CLCN5: variants seen among roughly 807,000 people sequenced by gnomAD.
CLCN5 encodes Cl-/H+ antiporter 5.
In CLCN5, 17 loss-of-function variants were observed where a neutral mutation model predicts 54.0. The ratio of observed to expected loss-of-function variants is 0.31; its 90% CI spans 0.22 to 0.47. The LOEUF (loss-of-function observed/expected upper bound fraction) is 0.47. CLCN5 is among the 20% of genes least tolerant of loss of function. CLCN5 has a pLI of 1.00. For synonymous variants in CLCN5, 222 were observed against 233.0 expected (o/e 0.95, Z 0.43); for missense variants, 448 against 646.7 (o/e 0.69, Z 3.33).
chrX:50,028,144 G>A (rs1054629187), intron 3 of CLCN5, among the ~76,000 whole-genome samples: 5 of 111,617 alleles, frequency 4.5e-5, no homozygotes, highest in Non-Finnish European at 9.4e-5. Flanking sequence ...TCTCCCTTTC[G>A]TTTTGTTTTT....
intron 3 of CLCN5, among the ~76,000 whole-genome samples, chrX:49,994,096 C>T (rs1557179310): frequency 8.9e-6 from 1 of 111,844 alleles, no homozygotes; most frequent in Non-Finnish European, 1.9e-5. Flanking sequence ...TAGGTGACAT[C>T]AAAATAGCAA....
At chrX:50,088,677 T>A (rs1412184963) in intron 11 of CLCN5, 21 bp from the exon 12 acceptor site, 1 of 1,195,451 alleles carries the variant, frequency 8.4e-7, no homozygotes, top group Non-Finnish European at 1.1e-6. Context: ...TCACTAACCA[T>A]CTATTGGTTT....
chrX:50,019,489 T>TTTTTTTTTTTTA (rs1930975324), intron 3 of CLCN5, among the ~76,000 whole-genome samples: 13 of 76,183 alleles, frequency 1.7e-4, no homozygotes, highest in African/African-American at 6.1e-4. Flanking sequence ...TTTTTTTTTT[T>TTTTTTTTTTTTA]ATTATACTCT....
chrX:49,964,090 T>C (rs1449965478), intron 3 of CLCN5, among the ~76,000 whole-genome samples: 11 of 112,181 alleles, frequency 9.8e-5, no homozygotes, highest in African/African-American at 3.6e-4. Flanking sequence ...CCAGAAAATG[T>C]CAAACGATGT....
chrX:50,037,800 T>C (rs1932062023), intron 3 of CLCN5, among the ~76,000 whole-genome samples: 1 of 112,415 alleles, frequency 8.9e-6, no homozygotes, highest in African/African-American at 3.2e-5. Flanking sequence ...GTTTTTTACA[T>C]GTGTAAATAT....
chrX:50,058,940 C>G (rs1043148762), intron 4 of CLCN5, among the ~76,000 whole-genome samples: 14 of 111,591 alleles, frequency 1.3e-4, no homozygotes, highest in Non-Finnish European at 2.3e-4. Context: ...ATTTACATGC[C>G]AGAAGCTTAG....
rs782746421 is a variant in CLCN5, at chrX:50,080,630, G to C, written c.640G>C (p.Val214Leu). ...FAYIVNYFMY[V>L]LWALLFAFLA... ...CTACATAGTCAATTATTTCATGTACGTCCTCTGGGCTCTCCTATTTGCCTT... is the reference window on the plus strand; with the variant it reads ...CTACATAGTCAATTATTTCATGTACCTCCTCTGGGCTCTCCTATTTGCCTT... The change falls in exon 8 of 15, where the codon GTC becomes CTC. Residue 214 changes from valine (V) to leucine (L), a missense_variant. Physicochemically the swap from Val to Leu is conservative, Grantham distance 32. Around this residue, in one of 5 missense-constraint regions of CLCN5, gnomAD observed 40 missense variants for 27.8 expected, o/e 1.44. Coordinates refer to ENST00000376091, the MANE Select transcript of CLCN5 (RefSeq NM_001127898.4). 1 of 1,203,550 alleles carries C rather than the reference G, an allele frequency of 8.3e-7. No homozygotes were observed. Among genetic ancestry groups the C allele is most frequent in the African/African-American group, 1.8e-5 (1 of 56,449 alleles).
chrX:49,975,025 A>G (rs1017152193), intron 3 of CLCN5, among the ~76,000 whole-genome samples: 1 of 112,314 alleles, frequency 8.9e-6, no homozygotes, highest in Non-Finnish European at 1.9e-5. Context: ...AGCCATGGTC[A>G]CTACCCTAAT....
At chrX:49,926,300 T>C (rs1160798802) in intron 3 of CLCN5, among the ~76,000 whole-genome samples, 1 of 112,396 alleles carries the variant, frequency 8.9e-6, no homozygotes, top group Non-Finnish European at 1.9e-5. Flanking sequence ...ACTCACACAA[T>C]GGGCATTTAT....
intron 3 of CLCN5, chrX:50,009,753 G>C: frequency 2.6e-6 from 1 of 387,033 alleles, no homozygotes; most frequent in Non-Finnish European, 5.2e-6. Flanking sequence ...GTCCCTGGGT[G>C]AGAGTGCTTT....
At chrX:49,991,866 T>G (rs1557179019) in intron 3 of CLCN5, among the ~76,000 whole-genome samples, 1 of 111,700 alleles carries the variant, frequency 9.0e-6, no homozygotes, top group African/African-American at 3.3e-5. Context: ...GATGTCTTCT[T>G]AAACATATGG....
rs1449061660 is a variant in CLCN5, at chrX:50,067,844, G to C, written c.164-2035G>C. 13 of 405,342 alleles carry C rather than the reference G, an allele frequency of 3.2e-5. No individual in the cohort carries two copies. In the South Asian group the frequency reaches 1.3e-3, roughly 41 times the overall value. The allele number at this position is 405,342 out of a possible 1,213,427, so 33.4% of individuals were successfully genotyped here. ...GGAGAATTGCAAGCAGTCTGTTGTA[G>C]GATTCTAATCACTGCCTGCTCTTTG... On this transcript the variant is annotated intron_variant, in intron 4 of 14. Coordinates refer to ENST00000376091, the MANE Select transcript of CLCN5 (RefSeq NM_001127898.4).
At chrX:50,006,997 G>T (rs1249697707) in intron 3 of CLCN5, among the ~76,000 whole-genome samples, 1 of 111,247 alleles carries the variant, frequency 9.0e-6, no homozygotes, top group East Asian at 2.9e-4. Flanking sequence ...CCCCAGGATG[G>T]TCAGGCATCT....
chrX:50,029,650 G>A (rs1931592429), intron 3 of CLCN5, among the ~76,000 whole-genome samples: 2 of 111,481 alleles, frequency 1.8e-5, no homozygotes, highest in Admixed American at 9.5e-5. Context: ...ACCATCACTG[G>A]CCATCAGAGA....
chrX:50,064,173 G>A (rs782797683), intron 4 of CLCN5, among the ~76,000 whole-genome samples: 23 of 110,361 alleles, frequency 2.1e-4, no homozygotes, highest in African/African-American at 6.9e-4. Flanking sequence ...AATCAGGCAG[G>A]AGAAGGAGAT....
intron 3 of CLCN5, among the ~76,000 whole-genome samples, chrX:49,929,620 A>G (rs1057403591): frequency 1.8e-5 from 2 of 111,905 alleles, no homozygotes; most frequent in Non-Finnish European, 3.8e-5. Context: ...AGAAGGGTTA[A>G]TATAATGTTT....
intron 4 of CLCN5, among the ~76,000 whole-genome samples, chrX:50,068,974 T>C: frequency 8.9e-6 from 1 of 112,056 alleles, no homozygotes; most frequent in South Asian, 3.7e-4. Context: ...TGTGTGAGTA[T>C]AGCTTGTGAG....
chrX:50,065,337 A>C (rs1557190619), intron 4 of CLCN5, among the ~76,000 whole-genome samples: 1 of 78,848 alleles, frequency 1.3e-5, no homozygotes, highest in South Asian at 7.7e-4. Context: ...CAACCCCATC[A>C]AAAAGTGGGC....
At chrX:50,053,411 G>A (rs186387224) in intron 4 of CLCN5, among the ~76,000 whole-genome samples, 114 of 110,872 alleles carry the variant, frequency 1.0e-3, no homozygotes, top group African/African-American at 3.6e-3. Context: ...TTGTGTCTCC[G>A]CTCTTTTTTT....
Sources: allele counts gnomAD v4.1 joint callset (sites outside exome capture counted in the v4.1 genomes callset), GRCh38; gene constraint gnomAD v4.1.1; regional missense constraint gnomAD v4.1.1; transcripts MANE v1.5; gene names NCBI Gene and HGNC (gene_info 2026-07-23, HGNC 2026-07-21).